Variants in PLEKHA7 observed in about 807,000 individuals in gnomAD.
PLEKHA7 encodes the protein pleckstrin homology domain containing A7, also known as pleckstrin homology domain-containing family A member 7.
In PLEKHA7, 104 loss-of-function variants were observed where a neutral mutation model predicts 170.0. That is an observed-to-expected ratio of 0.61 (90% CI 0.52 to 0.72). The LOEUF (loss-of-function observed/expected upper bound fraction) is 0.72. PLEKHA7 is among the 30% of genes least tolerant of loss of function. The pLI is 0.00. For synonymous variants in PLEKHA7, 648 were observed against 660.8 expected (o/e 0.98, Z 0.30); for missense variants, 1,615 against 1,671.7 (o/e 0.97, Z 0.59).
intron 17 of PLEKHA7, among the ~76,000 whole-genome samples, chr11:16,799,859 TCTC>T (rs949576219): frequency 2.0e-5 from 3 of 151,838 alleles, no homozygotes; most frequent in African/African-American, 7.3e-5. Context: ...CAGGCGAGGG[TCTC>T]CTCCACGTGG....
chr11:16,974,627 T>TG lies in PLEKHA7; in HGVS notation c.221+39361_221+39362insC, dbSNP rs59875278. 20 of 111,912 alleles carry TG rather than the reference T, an allele frequency of 1.8e-4. 4 individuals carry two copies. Among genetic ancestry groups the TG allele is most frequent in the Admixed American group, 1.1e-3 (2 of 1,830 alleles). 6.9% of individuals were successfully genotyped at this position (111,912 alleles called of 1,614,324 possible). A position where few individuals can be genotyped will look rare whatever the true frequency, so the allele number is the denominator to read the frequency against. On this transcript the variant is annotated intron_variant, in intron 3 of 26. Coordinates refer to ENST00000531066, the MANE Select transcript of PLEKHA7 (RefSeq NM_001329630.2). Reference sequence around the variant, plus strand: ...ACAGACCTCACAGAGATTTCACAGGTTTTTTTTTTTTTTTTTTTTGAACAT... The same window carrying TG: ...ACAGACCTCACAGAGATTTCACAGGTGTTTTTTTTTTTTTTTTTTTGAACAT...
intron 3 of PLEKHA7, among the ~76,000 whole-genome samples, chr11:16,894,738 G>C (rs532611703): frequency 6.6e-6 from 1 of 152,102 alleles, no homozygotes. Flanking sequence ...CAGAGAGCCC[G>C]CCATCCCAGT....
chr11:16,847,842 C>CAAAAAAAAAAAAAAAAAAAAAA (rs35191685), intron 8 of PLEKHA7, among the ~76,000 whole-genome samples: 1 of 101,466 alleles, frequency 9.9e-6, no homozygotes. Flanking sequence ...AATTCTGTCT[C>CAAAAAAAAAAAAAAAAAAAAAA]AAAAAAAAAA....
At chr11:16,915,674 C>T (rs1174676288) in intron 3 of PLEKHA7, among the ~76,000 whole-genome samples, 2 of 151,632 alleles carry the variant, frequency 1.3e-5, no homozygotes, top group African/African-American at 2.4e-5. Flanking sequence ...CATCCATGTC[C>T]CTACAAAGGA....
chr11:16,788,903 G>T, intron 23 of PLEKHA7, 193 bp downstream of exon 23: 1 of 684,206 alleles, frequency 1.5e-6, no homozygotes, highest in Non-Finnish European at 2.4e-6. Flanking sequence ...TCCAGCTCTG[G>T]TTCAGGTCAC....
Position 16,791,294 on chromosome 11 carries a change from C to A in PLEKHA7, c.2746-95G>T, listed in dbSNP as rs1049962593. On this transcript the variant is annotated intron_variant, in intron 19 of 26. Transcript: ENST00000531066. This position sits in a 1 kb window ranked among gnomAD's most constrained non-coding sequence, Gnocchi z 4.5. Reference sequence around the variant, plus strand: ...ACAGTGGAGGTTTAAAGGGTAGGAACAGGCCACATCAGAGCCACAGAACAT... The same window carrying A: ...ACAGTGGAGGTTTAAAGGGTAGGAAAAGGCCACATCAGAGCCACAGAACAT... The A allele has an allele frequency of 1.7e-6, 2 of 1,177,686 alleles. No individual in the cohort carries two copies. The highest frequency in any genetic ancestry group is 3.1e-5 in the African/African-American group (2 of 64,562). 73.0% of individuals were successfully genotyped at this position (1,177,686 alleles called of 1,614,324 possible).
At chr11:16,901,011 A>AT (rs1410999396) in intron 3 of PLEKHA7, among the ~76,000 whole-genome samples, 2 of 151,746 alleles carry the variant, frequency 1.3e-5, no homozygotes, top group Non-Finnish European at 2.9e-5. Flanking sequence ...CAGCCAGCTA[A>AT]TTTTTTTATT....
chr11:16,975,917 G>A (rs1350525265), intron 3 of PLEKHA7, among the ~76,000 whole-genome samples: 1 of 152,188 alleles, frequency 6.6e-6, no homozygotes, highest in Non-Finnish European at 1.5e-5. Flanking sequence ...GCAAAGTATT[G>A]TGTGTGGGTC....
chr11:16,840,399 A>G (rs1851858492), intron 9 of PLEKHA7, among the ~76,000 whole-genome samples: 1 of 151,978 alleles, frequency 6.6e-6, no homozygotes, highest in Admixed American at 6.6e-5. Flanking sequence ...CGTCTCTACT[A>G]AATACAAAAA....
At chr11:16,845,171 C>G (rs750302897) in intron 8 of PLEKHA7, among the ~76,000 whole-genome samples, 1 of 152,078 alleles carries the variant, frequency 6.6e-6, no homozygotes, top group East Asian at 1.9e-4. Context: ...AGGACACGTG[C>G]CCACAGTGTG....
chr11:16,909,145 C>T (rs905632370), intron 3 of PLEKHA7, among the ~76,000 whole-genome samples: 2 of 152,014 alleles, frequency 1.3e-5, no homozygotes, highest in South Asian at 2.1e-4. Flanking sequence ...CATGCACTGA[C>T]GTACAGTAAG....
intron 13 of PLEKHA7, among the ~76,000 whole-genome samples, chr11:16,804,498 A>G (rs1472006559): frequency 6.6e-6 from 1 of 152,148 alleles, no homozygotes; most frequent in Admixed American, 6.5e-5. Context: ...TCTCCCTGCA[A>G]ACTGTCATGA....
chr11:16,886,980 A>C (rs911218160), intron 3 of PLEKHA7, among the ~76,000 whole-genome samples: 3 of 152,188 alleles, frequency 2.0e-5, no homozygotes, highest in Admixed American at 6.5e-5. Flanking sequence ...TTTCTGATTC[A>C]GATTAGCAAA....
At chr11:16,813,006 G>T (rs2134624307) in intron 13 of PLEKHA7, 107 bp downstream of exon 13, 2 of 836,186 alleles carry the variant, frequency 2.4e-6, no homozygotes, top group Non-Finnish European at 3.9e-6. Flanking sequence ...TTAGAATTCA[G>T]ATTGGATAAG....
intron 13 of PLEKHA7, chr11:16,803,580 T>A: frequency 2.6e-6 from 1 of 390,948 alleles, no homozygotes; most frequent in Non-Finnish European, 4.7e-6. Flanking sequence ...TAAAAGTATA[T>A]ATTTGCCTAA....
chr11:16,777,951 T>C lies in PLEKHA7; in HGVS notation c.*1047A>G, dbSNP rs1473987420. ...AATGAAAGTTGCTTCCTCTCACCTT[T>C]TCTGTATTTCAATGTGTACTGTTAA... On this transcript the variant is annotated 3_prime_UTR_variant, in exon 27 of 27. Transcript: ENST00000531066. 2.6e-5 allele frequency: 4 copies of C among 152,234 alleles called. No homozygotes were observed. The highest frequency in any genetic ancestry group is 2.6e-4 in the Admixed American group (4 of 15,284). 9.4% of individuals were successfully genotyped at this position (152,234 alleles called of 1,614,324 possible).
chr11:16,880,460 A>G (rs1855626815), intron 3 of PLEKHA7, among the ~76,000 whole-genome samples: 1 of 152,184 alleles, frequency 6.6e-6, no homozygotes, highest in African/African-American at 2.4e-5. Flanking sequence ...TGCCTGCTAT[A>G]TTTATCTTCT....
At chr11:16,997,591 G>A (rs1402150387) in intron 3 of PLEKHA7, among the ~76,000 whole-genome samples, 1 of 152,124 alleles carries the variant, frequency 6.6e-6, no homozygotes, top group Non-Finnish European at 1.5e-5. Context: ...AAGATAGCAA[G>A]ACCCCAAAGC....
intron 21 of PLEKHA7, chr11:16,790,500 C>A: frequency 3.2e-6 from 1 of 310,506 alleles, no homozygotes. Flanking sequence ...ACAGTACTTT[C>A]CTCATAGGAT....
Sources: allele counts gnomAD v4.1 joint callset (sites outside exome capture counted in the v4.1 genomes callset), GRCh38; gene constraint gnomAD v4.1.1; non-coding constraint Gnocchi (gnomAD v3.1); transcripts MANE v1.5; gene names NCBI Gene and HGNC (gene_info 2026-07-23, HGNC 2026-07-21).